SLAMF6: variants seen among roughly 807,000 people sequenced by gnomAD.
SLAMF6 encodes the protein SLAM family member 6, also known as NK-T-B-antigen.
In SLAMF6, 21 loss-of-function variants were observed where a neutral mutation model predicts 38.3. That is an observed-to-expected ratio of 0.55 (90% confidence interval 0.39 to 0.79). SLAMF6 has a LOEUF of 0.79. Among genes scored for constraint, SLAMF6 ranks in the 30% least tolerant of loss-of-function variants. The probability of loss-of-function intolerance (pLI) is 0.00; values close to 1 mark genes in which losing one functional copy is unlikely to be tolerated. For synonymous variants in SLAMF6, 152 were observed against 146.3 expected, an observed-to-expected ratio of 1.04 and a Z score of -0.28; for missense variants, 341 against 385.3, an observed-to-expected ratio of 0.89 and a Z score of 0.96.
At chr1:160,496,530 G>T in intron 1 of SLAMF6, 137 bp from the exon 2 acceptor site, 3 of 817,862 alleles carry the variant, frequency 3.7e-6, no homozygotes, top group Non-Finnish European at 5.7e-6. Flanking sequence ...AGTAGGAAAG[G>T]GTAGGAGATG....
intron 1 of SLAMF6, among the ~76,000 whole-genome samples, chr1:160,514,406 G>T (rs945070007): frequency 6.6e-6 from 1 of 152,042 alleles, no homozygotes; most frequent in Admixed American, 6.5e-5. Context: ...CAATAATAGC[G>T]GGAGACTTTA....
In SLAMF6 at chr1:160,496,247, C is replaced by A; in HGVS notation, c.196G>T (p.Val66Leu). The change falls in exon 2 of 8, where the codon GTA becomes TTA. Residue 66 changes from valine to leucine, a missense_variant. Physicochemically the swap from Val to Leu is conservative, Grantham distance 32. Coordinates refer to ENST00000368057, the MANE Select transcript of SLAMF6 (RefSeq NM_001184714.2). ...LFNETSLAFI[V>L]PHETKSPEIH... ...TCTGGACTTTTGGTTTCATGGGGTACTATGAAGGCAAGAGATGTTTCATTG... is the reference window on the plus strand; with the variant it reads ...TCTGGACTTTTGGTTTCATGGGGTAATATGAAGGCAAGAGATGTTTCATTG... 1.2e-6 allele frequency: 2 copies of A among 1,613,870 alleles called. No individual in the cohort carries two copies. The highest frequency in any genetic ancestry group is 1.3e-5 in the African/African-American group (1 of 74,982).
chr1:160,511,128 A>G (rs1654450594), intron 1 of SLAMF6, among the ~76,000 whole-genome samples: 1 of 152,224 alleles, frequency 6.6e-6, no homozygotes, highest in African/African-American at 2.4e-5. Flanking sequence ...TTGGAAGATA[A>G]TATTAATATG....
chr1:160,485,311 C>G lies in SLAMF6; in HGVS notation c.*1396G>C, dbSNP rs990132065. On this transcript the variant is annotated 3_prime_UTR_variant, in exon 8 of 8. Coordinates refer to ENST00000368057, the MANE Select transcript of SLAMF6 (RefSeq NM_001184714.2). ...CAAGTGATCTCCCCCCTTGGCCTCC[C>G]AAAGTACAGGGATTACAGGTGTGAG... 1 of 152,106 alleles carries G rather than the reference C, an allele frequency of 6.6e-6. No homozygotes were observed. Among genetic ancestry groups the G allele is most frequent in the African/African-American group, 2.4e-5 (1 of 41,400 alleles). 9.4% of individuals were successfully genotyped at this position (152,106 alleles called of 1,614,324 possible).
At position 160,490,228 on chromosome 1, in the gene SLAMF6, A is replaced by G. The variant is rs747450781; in HGVS notation, c.766T>C (p.Ser256Pro). 6.2e-7 allele frequency: 1 copy of G among 1,613,728 alleles called. No individual in the cohort carries two copies. Among genetic ancestry groups the G allele is most frequent in the Non-Finnish European group, 8.5e-7 (1 of 1,179,806 alleles). ...LVLRKRRDSL[S>P]LSTQRTQGPA... ...CCCTGTGTTCGCTGAGTAGACAAAG[A>G]TAGGGAATCTGAAAAATAAAACCAG... is the stretch of plus-strand genomic sequence containing the variant. Residue 256 changes from serine (S) to proline (P), a missense_variant, in exon 5 of 8, where the codon TCT becomes CCT. Ser to Pro is a moderately conservative substitution (Grantham distance 74). Transcript: ENST00000368057.
intron 2 of SLAMF6, among the ~76,000 whole-genome samples, chr1:160,491,589 A>G (rs1326711901): frequency 6.6e-6 from 1 of 152,172 alleles, no homozygotes; most frequent in Non-Finnish European, 1.5e-5. Context: ...GGACATCAGT[A>G]TGGGGCAGGA....
intron 1 of SLAMF6, among the ~76,000 whole-genome samples, chr1:160,505,941 G>A (rs544375662): frequency 1.3e-5 from 2 of 152,064 alleles, no homozygotes; most frequent in Non-Finnish European, 2.9e-5. Context: ...TCAAAGCTAG[G>A]TCAATTGAAA....
chr1:160,499,815 A>G (rs1036894293), intron 1 of SLAMF6, among the ~76,000 whole-genome samples: 1 of 152,180 alleles, frequency 6.6e-6, no homozygotes, highest in African/African-American at 2.4e-5. Context: ...TCTCTCTTTC[A>G]TGAATTGTCA....
At chr1:160,511,063 C>T (rs998501451) in intron 1 of SLAMF6, among the ~76,000 whole-genome samples, 6 of 152,118 alleles carry the variant, frequency 3.9e-5, no homozygotes, top group African/African-American at 1.4e-4. Flanking sequence ...AACTAAATAA[C>T]ATTTCTGAAA....
At chr1:160,513,248 T>C (rs560213016) in intron 1 of SLAMF6, among the ~76,000 whole-genome samples, 1 of 151,770 alleles carries the variant, frequency 6.6e-6, no homozygotes, top group East Asian at 1.9e-4. Context: ...ATAGACCAAG[T>C]GGAGGAAAGA....
intron 1 of SLAMF6, among the ~76,000 whole-genome samples, chr1:160,506,616 TA>T (rs1346709650): frequency 6.6e-6 from 1 of 152,206 alleles, no homozygotes; most frequent in Non-Finnish European, 1.5e-5. Flanking sequence ...CTGCATAGAT[TA>T]ATACAAAAGC....
intron 3 of SLAMF6, 88 bp downstream of exon 3, chr1:160,491,037 G>A: frequency 6.6e-7 from 1 of 1,525,850 alleles, no homozygotes; most frequent in Non-Finnish European, 8.9e-7. Context: ...CCTCCCACTG[G>A]GCCACTGTAT....
In SLAMF6 at chr1:160,489,150, C is replaced by T. The variant is rs768630969; in HGVS notation, c.817G>A (p.Glu273Lys). The T allele has an allele frequency of 6.2e-7, 1 of 1,613,894 alleles. No individual in the cohort carries two copies. The highest frequency in any genetic ancestry group is 8.5e-7 in the Non-Finnish European group (1 of 1,179,848). Residue 273 changes from glutamate to lysine, a missense_variant, in exon 6 of 8, where the codon GAG becomes AAG. Physicochemically the swap from Glu to Lys is moderately conservative, Grantham distance 56. Coordinates refer to ENST00000368057, the MANE Select transcript of SLAMF6 (RefSeq NM_001184714.2). ...QGPAESARNLEYVSVSPTNNT... is the reference protein window; with the variant it reads ...QGPAESARNLKYVSVSPTNNT... ...TTCGTTGGAGACACTGAAACATACT[C>T]TAGGTTCCTTGCGGACTCTGCTGTT...
At position 160,496,281 on chromosome 1, in the gene SLAMF6, A is replaced by G. The variant is rs761732192; in HGVS notation, c.162T>C (p.Thr54=). The change falls in exon 2 of 8, where the codon ACT becomes ACC. Residue 54 remains threonine, a synonymous_variant. Coordinates refer to ENST00000368057, the MANE Select transcript of SLAMF6 (RefSeq NM_001184714.2). The part of the protein sequence containing the change: ...FPAGEKVNFI[T]WLFNETSLAF... Reference sequence around the variant, plus strand: ...CAAGAGATGTTTCATTGAAAAGCCAAGTGATGAAGTTGACCTTCTCTCCTG... The same window carrying G: ...CAAGAGATGTTTCATTGAAAAGCCAGGTGATGAAGTTGACCTTCTCTCCTG... 3.7e-6 allele frequency: 6 copies of G among 1,614,010 alleles called. No homozygotes were observed. The highest frequency in any genetic ancestry group is 5.1e-6 in the Non-Finnish European group (6 of 1,179,930).
At chr1:160,490,440 G>T in intron 4 of SLAMF6, 135 bp downstream of exon 4, 1 of 1,313,654 alleles carries the variant, frequency 7.6e-7, no homozygotes. Context: ...TTATCTCAGT[G>T]GACTAGCTGA....
At chr1:160,502,097 CCTTTTCT>C (rs1653933525) in intron 1 of SLAMF6, among the ~76,000 whole-genome samples, 1 of 152,140 alleles carries the variant, frequency 6.6e-6, no homozygotes, top group Non-Finnish European at 1.5e-5. Context: ...ACATGGAGGT[CCTTTTCT>C]CTGCTCTGCC....
chr1:160,511,986 G>A (rs1301061139), intron 1 of SLAMF6, among the ~76,000 whole-genome samples: 2 of 152,190 alleles, frequency 1.3e-5, no homozygotes, highest in Admixed American at 6.5e-5. Context: ...TTTTTCCATG[G>A]ATCTGTGCAA....
At chr1:160,516,157 C>G (rs569587976) in intron 1 of SLAMF6, among the ~76,000 whole-genome samples, 95 of 152,254 alleles carry the variant, frequency 6.2e-4, no homozygotes, top group Admixed American at 1.7e-3. Context: ...TCAGCAAGAT[C>G]TCAGGAAACA....
chr1:160,515,516 T>A (rs1309253521), intron 1 of SLAMF6, among the ~76,000 whole-genome samples: 1 of 152,152 alleles, frequency 6.6e-6, no homozygotes, highest in Non-Finnish European at 1.5e-5. Context: ...ATGAGGCCAG[T>A]ATCATCCTGA....
Sources: gnomAD v4.1 joint callset for allele counts (sites outside exome capture counted in the v4.1 genomes callset) on GRCh38, gnomAD v4.1.1 for gene constraint, MANE v1.5 for transcripts, NCBI Gene and HGNC (gene_info 2026-07-23, HGNC 2026-07-21) for gene names.